Variants in COL24A1 observed in about 807,000 individuals in gnomAD.
COL24A1 encodes collagen type XXIV alpha 1 chain.
A neutral mutation model predicts 253.9 loss-of-function variants in COL24A1; 224 were observed. The observed-to-expected ratio is 0.88, with a 90% CI of 0.79 to 0.99. The LOEUF (loss-of-function observed/expected upper bound fraction) is 0.99, where lower values mean the gene tolerates loss of function less well. Among genes scored for constraint, COL24A1 ranks in the 50% least tolerant of loss-of-function variants. The pLI is 0.00. For missense variants in COL24A1, 2,131 were observed against 2,068.5 expected, an observed-to-expected ratio of 1.03 and a Z score of -0.59; for synonymous variants, 685 against 673.7, an observed-to-expected ratio of 1.02 and a Z score of -0.26.
At chr1:86,106,473 T>A (rs988286962) in intron 5 of COL24A1, among the ~76,000 whole-genome samples, 2 of 152,086 alleles carry the variant, frequency 1.3e-5, no homozygotes, top group Non-Finnish European at 2.9e-5. Flanking sequence ...CAAGAGGCCT[T>A]TTTTTGGAAA....
intron 24 of COL24A1, among the ~76,000 whole-genome samples, chr1:85,935,177 T>TAGAGC (rs1377775412): frequency 4.7e-4 from 56 of 118,354 alleles, no homozygotes; most frequent in South Asian, 3.6e-3. Flanking sequence ...CTAAAAAATT[T>TAGAGC]TTAAACATTT....
At chr1:85,940,603 G>C (rs976993075) in intron 24 of COL24A1, among the ~76,000 whole-genome samples, 4 of 152,210 alleles carry the variant, frequency 2.6e-5, no homozygotes, top group Admixed American at 2.0e-4. Flanking sequence ...TTAGACAATA[G>C]TCTACTTTGG....
At chr1:85,766,674 A>G (rs1431821483) in intron 53 of COL24A1, among the ~76,000 whole-genome samples, 4 of 152,240 alleles carry the variant, frequency 2.6e-5, no homozygotes, top group African/African-American at 9.6e-5. Context: ...ATGAGCTATA[A>G]ACTTATTTGC....
chr1:85,958,371 A>T (rs658934), intron 24 of COL24A1, among the ~76,000 whole-genome samples: 113,140 of 151,966 alleles, frequency 0.74, 43,062 homozygotes, highest in African/African-American at 0.9. Context: ...CCCTTGTACT[A>T]TTTTTTATAG....
At chr1:85,767,786 T>C (rs1667533797) in intron 53 of COL24A1, among the ~76,000 whole-genome samples, 1 of 152,132 alleles carries the variant, frequency 6.6e-6, no homozygotes, top group African/African-American at 2.4e-5. Context: ...CTAAAAAGCA[T>C]GTTAATTCAG....
chr1:85,778,015 G>A (rs897411676), intron 52 of COL24A1, among the ~76,000 whole-genome samples: 1 of 113,348 alleles, frequency 8.8e-6, no homozygotes. Context: ...GTGTGTATAT[G>A]TCTCTATCTC....
At chr1:85,805,749 G>T (rs890702649) in intron 47 of COL24A1, among the ~76,000 whole-genome samples, 2 of 152,112 alleles carry the variant, frequency 1.3e-5, no homozygotes, top group Non-Finnish European at 2.9e-5. Flanking sequence ...TATGAATTTT[G>T]CCATGACTAT....
chr1:86,082,115 T>G (rs4912461), intron 7 of COL24A1, among the ~76,000 whole-genome samples: 51,845 of 151,968 alleles, frequency 0.34, 9,245 homozygotes, highest in Middle Eastern at 0.5. Flanking sequence ...GTTTCAGAAA[T>G]GTAGAAGCAT....
chr1:85,878,071 T>G (rs150167609), intron 32 of COL24A1, among the ~76,000 whole-genome samples: 91 of 152,364 alleles, frequency 6.0e-4, no homozygotes, highest in Admixed American at 5.2e-4. Flanking sequence ...TTATTTTTAA[T>G]GCTGAATAAT....
intron 19 of COL24A1, among the ~76,000 whole-genome samples, chr1:85,989,634 A>G (rs1204363338): frequency 6.6e-6 from 1 of 152,096 alleles, no homozygotes; most frequent in Non-Finnish European, 1.5e-5. Context: ...TTTAATACAC[A>G]GTTTACAGGG....
In COL24A1 at chr1:86,105,880, G is replaced by A. The variant is rs747232030; in HGVS notation, c.1599+6687C>T. The stretch of plus-strand genomic sequence containing the variant: ...TCGCTGGGGTCCATGAATGAGTCCC[G>A]ATGTGAAGTAGCCCCTGTGCAGAGT... On this transcript the variant is annotated intron_variant, in intron 5 of 59. Coordinates refer to ENST00000370571, the MANE Select transcript of COL24A1 (RefSeq NM_152890.7). Among the ~76,000 whole-genome samples the A allele has an allele frequency of 3.9e-5, 6 of 152,206 alleles. No homozygotes were observed. In the East Asian group the frequency reaches 9.7e-4, roughly 25 times the overall value.
intron 37 of COL24A1, among the ~76,000 whole-genome samples, chr1:85,863,705 GA>G (rs1204536393): frequency 6.6e-6 from 1 of 151,914 alleles, no homozygotes; most frequent in Non-Finnish European, 1.5e-5. Flanking sequence ...AAACTTACAA[GA>G]AAAAAACAAA....
chr1:85,910,104 T>TAC lies in COL24A1; in HGVS notation c.2617-103_2617-102dup, dbSNP rs1685223807. ...AAAACTGTCATCCAGAATCATGTCT[T>TAC]ACATGCATACATCATTTTTATTTCC... On this transcript the variant is annotated intron_variant, in intron 25 of 59. Transcript: ENST00000370571. 4.2e-6 allele frequency: 3 copies of TAC among 709,790 alleles called. No homozygotes were observed. The Admixed American group carries it at 8.6e-5, about 20-fold the overall frequency. The allele number at this position is 709,790 out of a possible 1,614,324, so 44.0% of individuals were successfully genotyped here.
In COL24A1 at chr1:86,125,547, C is replaced by G; in HGVS notation, c.789G>C (p.Lys263Asn). The G allele has an allele frequency of 6.2e-7, 1 of 1,613,472 alleles. No homozygotes were observed. ...TGGGCGGGGGAGAGTGTTCCGGTAT[C>G]TTTGTTGGTATGAGAGTTGTACAAG... ...SIPCTTLIPT[K>N]IPEHSPPPKL... Residue 263 changes from lysine to asparagine, a missense_variant, in exon 3 of 60, where the codon AAG becomes AAC. Lys to Asn is a moderately conservative substitution (Grantham distance 94). Transcript: ENST00000370571.
intron 24 of COL24A1, among the ~76,000 whole-genome samples, chr1:85,922,988 G>T (rs925550239): frequency 2.0e-4 from 15 of 75,606 alleles, no homozygotes; most frequent in Admixed American, 3.1e-4. Flanking sequence ...CCAAGCAAAT[G>T]GAGAACAAAA....
intron 53 of COL24A1, among the ~76,000 whole-genome samples, chr1:85,763,375 G>A (rs960193849): frequency 8.6e-5 from 13 of 151,838 alleles, no homozygotes; most frequent in Non-Finnish European, 1.3e-4. Flanking sequence ...CCAAGATCAC[G>A]CCACTGCACT....
chr1:86,059,116 T>C lies in COL24A1; in HGVS notation c.1806+5A>G, dbSNP rs1305832189. Reference sequence around the variant, plus strand: ...AAGAGAAAAGTCTAAATATAGTTACTGCACCTGCCTGCCAGGGTAACCGGG... The same window carrying C: ...AAGAGAAAAGTCTAAATATAGTTACCGCACCTGCCTGCCAGGGTAACCGGG... On this transcript the variant is annotated splice_donor_5th_base_variant and intron_variant, in intron 9 of 59. Coordinates refer to ENST00000370571, the MANE Select transcript of COL24A1 (RefSeq NM_152890.7). 1.9e-6 allele frequency: 3 copies of C among 1,603,828 alleles called. No individual in the cohort carries two copies. In the South Asian group the frequency reaches 3.3e-5, roughly 18 times the overall value.
At chr1:85,778,840 G>A (rs1006591084) in intron 52 of COL24A1, among the ~76,000 whole-genome samples, 86 of 152,178 alleles carry the variant, frequency 5.7e-4, no homozygotes, top group African/African-American at 2.0e-3. Flanking sequence ...CTGACCTCAG[G>A]TGATCTGCCC....
chr1:85,784,698 A>G (rs1371085595), intron 48 of COL24A1, among the ~76,000 whole-genome samples: 1 of 151,856 alleles, frequency 6.6e-6, no homozygotes, highest in Non-Finnish European at 1.5e-5. Flanking sequence ...GGGTGTGTTT[A>G]TATGTGATGG....
Sources: gnomAD v4.1 joint callset for allele counts (sites outside exome capture counted in the v4.1 genomes callset) on GRCh38, gnomAD v4.1.1 for gene constraint, MANE v1.5 for transcripts, NCBI Gene and HGNC (gene_info 2026-07-23, HGNC 2026-07-21) for gene names.